Variants in COL12A1 observed in about 807,000 individuals in gnomAD.
COL12A1 encodes the protein collagen type XII alpha 1 chain.
COL12A1 carries 114 observed loss-of-function variants against 349.7 expected under a neutral mutation model. The ratio of observed to expected loss-of-function variants is 0.33; its 90% CI spans 0.28 to 0.38. The LOEUF (loss-of-function observed/expected upper bound fraction) is 0.38, where lower values mean the gene tolerates loss of function less well. Ranked by LOEUF, COL12A1 falls within the 10% of genes least tolerant of loss-of-function variation. The pLI, the probability that COL12A1 is intolerant of heterozygous loss-of-function variation, is 1.00. For missense variants in COL12A1, 3,284 were observed against 3,756.9 expected, an observed-to-expected ratio of 0.87 and a Z score of 3.29; for synonymous variants, 1,369 against 1,329.0, an observed-to-expected ratio of 1.03 and a Z score of -0.66.
intron 16 of COL12A1, among the ~76,000 whole-genome samples, chr6:75,155,211 A>G (rs1197568000): frequency 1.3e-5 from 2 of 152,062 alleles, no homozygotes; most frequent in African/African-American, 4.8e-5. Context: ...GGCACCCACA[A>G]GGTCCTGCCT....
chr6:75,111,543 T>A (rs1768841081), intron 51 of COL12A1, among the ~76,000 whole-genome samples: 2 of 151,878 alleles, frequency 1.3e-5, no homozygotes, highest in South Asian at 4.1e-4. Context: ...TAGTGGATGA[T>A]CAGATTCTCA....
intron 13 of COL12A1, among the ~76,000 whole-genome samples, chr6:75,166,366 C>A (rs1242495094): frequency 6.6e-6 from 1 of 152,050 alleles, no homozygotes; most frequent in Admixed American, 6.6e-5. Context: ...ATAGCTTAAC[C>A]CTAACAAAAT....
rs371060233 is a variant in COL12A1 at position 75,155,646 on chromosome 6, C to T, written c.3443+16G>A. The T allele has an allele frequency of 6.9e-5, 109 of 1,588,450 alleles. No homozygotes were observed. The highest frequency in any genetic ancestry group is 2.7e-4 in the African/African-American group (20 of 73,110). ...AATTAATTTCATCCTTTGATACAAA[C>T]GTAGTTAATTCCTACCTAAGTTCCT... is the stretch of plus-strand genomic sequence containing the variant. On this transcript the variant is annotated intron_variant, in intron 16 of 65. Transcript: ENST00000322507.
At chr6:75,118,908 C>T in intron 46 of COL12A1, 135 bp downstream of exon 46, 3 of 1,121,542 alleles carry the variant, frequency 2.7e-6, no homozygotes, top group Non-Finnish European at 3.8e-6. Context: ...TATAAACTAG[C>T]ATTACGAAGG....
At chr6:75,144,222 G>A (rs1331183973) in intron 25 of COL12A1, among the ~76,000 whole-genome samples, 5 of 151,932 alleles carry the variant, frequency 3.3e-5, no homozygotes, top group Admixed American at 2.0e-4. Flanking sequence ...TGTGACTTTG[G>A]GTCTCCTCTC....
Position 75,155,733 on chromosome 6 carries a change from C to T in COL12A1, c.3372G>A (p.Thr1124=), listed in dbSNP as rs749287034. The change falls in exon 16 of 66, where the codon ACG becomes ACA. Residue 1124 remains threonine (T), a synonymous_variant. Coordinates refer to ENST00000322507, the MANE Select transcript of COL12A1 (RefSeq NM_004370.6). ...VKGYKVTFHP[T]GDDRRLGELV... ...ACTCCCCCAGTCTTCTGTCATCCCC[C>T]GTAGGGTGGAATGTGACTTTATAAC... 20 of 1,613,298 alleles carry T rather than the reference C, an allele frequency of 1.2e-5. No individual in the cohort carries two copies. Among genetic ancestry groups the T allele is most frequent in the Middle Eastern group, 1.6e-4 (1 of 6,076 alleles).
Position 75,152,495 on chromosome 6 carries a change from T to G in COL12A1, c.3566-13A>C. 6.2e-7 allele frequency: 1 copy of G among 1,612,928 alleles called. No individual in the cohort carries two copies. Among genetic ancestry groups the G allele is most frequent in the East Asian group, 2.2e-5 (1 of 44,860 alleles). On this transcript the variant is annotated splice_polypyrimidine_tract_variant and intron_variant, in intron 17 of 65. Coordinates refer to ENST00000322507, the MANE Select transcript of COL12A1 (RefSeq NM_004370.6). Reference sequence around the variant, plus strand: ...AGACACTCCATCCCTGACATGGCAATCATGAGACAAGACAGTAAGAAGCAA... The same window carrying G: ...AGACACTCCATCCCTGACATGGCAAGCATGAGACAAGACAGTAAGAAGCAA...
In COL12A1 at chr6:75,095,108, T is replaced by G. The variant is rs900917198; in HGVS notation, c.8649A>C (p.Pro2883=). The G allele has an allele frequency of 6.2e-6, 10 of 1,613,878 alleles. No homozygotes were observed. The highest frequency in any genetic ancestry group is 5.0e-5 in the Admixed American group (3 of 59,960). ...KPGKPGDHGR[P]GPSGLKGEKG... ...GTAGACATGCAAGCTGTCCGCTTAC[T>G]GGTCTGCCATGATCTCCAGGTTTTC... Residue 2883 remains proline (P), a splice_region_variant and synonymous_variant, in exon 60 of 66, where the codon CCA becomes CCC. Transcript: ENST00000322507.
At chr6:75,189,927 A>ATG in intron 5 of COL12A1, 112 bp from the exon 6 acceptor site, 1 of 1,156,532 alleles carries the variant, frequency 8.6e-7, no homozygotes, top group Non-Finnish European at 1.2e-6. Flanking sequence ...ATTAGAACAT[A>ATG]TTCACCAATT....
chr6:75,089,073 G>A (rs1006254535), intron 64 of COL12A1, 33 bp downstream of exon 64: 1 of 1,497,794 alleles, frequency 6.7e-7, no homozygotes, highest in South Asian at 1.1e-5. Flanking sequence ...GGTATTTATA[G>A]TCTTTGCCTG....
chr6:75,136,204 C>T (rs1313228813), intron 31 of COL12A1, among the ~76,000 whole-genome samples: 1 of 151,728 alleles, frequency 6.6e-6, no homozygotes, highest in East Asian at 1.9e-4. Flanking sequence ...TGGCATGCCA[C>T]AGAAAAAAAA....
At chr6:75,087,242 T>C (rs1767543895) in intron 65 of COL12A1, 1 of 338,926 alleles carries the variant, frequency 3.0e-6, no homozygotes. Flanking sequence ...CATTTTACAG[T>C]TGTATTTAAC....
chr6:75,181,406 T>C (rs1769285254), intron 10 of COL12A1, among the ~76,000 whole-genome samples, 195 bp from the exon 11 acceptor site: 1 of 152,130 alleles, frequency 6.6e-6, no homozygotes, highest in Non-Finnish European at 1.5e-5. Context: ...CAACAAGAGA[T>C]CTTGATTATT....
chr6:75,093,479 G>A (rs548497452), intron 60 of COL12A1, among the ~76,000 whole-genome samples: 2 of 152,188 alleles, frequency 1.3e-5, no homozygotes, highest in Admixed American at 6.5e-5. Context: ...ATTAATTAGA[G>A]GAAGGTAAGA....
At chr6:75,111,938 G>A (rs1013766899) in intron 51 of COL12A1, among the ~76,000 whole-genome samples, 1 of 151,666 alleles carries the variant, frequency 6.6e-6, no homozygotes, top group African/African-American at 2.4e-5. Flanking sequence ...TGGAAAGAAA[G>A]CAAGATTCCT....
chr6:75,149,969 C>T (rs1448562263), intron 21 of COL12A1, among the ~76,000 whole-genome samples: 1 of 152,116 alleles, frequency 6.6e-6, no homozygotes, highest in Non-Finnish European at 1.5e-5. Flanking sequence ...TGGTCTATTT[C>T]TCCAGGGAAA....
At chr6:75,119,497 G>T in intron 44 of COL12A1, 24 bp from the exon 45 acceptor site, 1 of 1,588,314 alleles carries the variant, frequency 6.3e-7, no homozygotes, top group Middle Eastern at 1.7e-4. Context: ...TGATTTGGCA[G>T]TGAGCATAAG....
At chr6:75,097,349 G>C in intron 58 of COL12A1, 43 bp from the exon 59 acceptor site, 1 of 1,541,448 alleles carries the variant, frequency 6.5e-7, no homozygotes, top group Non-Finnish European at 8.9e-7. Context: ...GAGGTCATAA[G>C]CAAGTGAAAA....
intron 8 of COL12A1, among the ~76,000 whole-genome samples, chr6:75,187,884 C>G (rs1206765844): frequency 6.6e-6 from 1 of 152,078 alleles, no homozygotes; most frequent in African/African-American, 2.4e-5. Flanking sequence ...ATTGACTGAT[C>G]TTTGAAATAT....
Sources: gnomAD v4.1 joint callset for allele counts (sites outside exome capture counted in the v4.1 genomes callset) on GRCh38, gnomAD v4.1.1 for gene constraint, MANE v1.5 for transcripts, NCBI Gene and HGNC (gene_info 2026-07-23, HGNC 2026-07-21) for gene names.